Variants in REEP3 observed in about 807,000 individuals in gnomAD.
REEP3 encodes the protein receptor expression-enhancing protein 3.
In REEP3, 20 loss-of-function variants were observed where a neutral mutation model predicts 41.3. The observed-to-expected ratio is 0.48, with a 90% CI of 0.34 to 0.70. The LOEUF (loss-of-function observed/expected upper bound fraction) is 0.70, where lower values mean the gene tolerates loss of function less well. REEP3 is among the 30% of genes least tolerant of loss of function. The probability of loss-of-function intolerance (pLI) is 0.01; values close to 1 mark genes in which losing one functional copy is unlikely to be tolerated. For missense variants in REEP3, 271 were observed against 308.8 expected, an observed-to-expected ratio of 0.88 and a Z score of 0.92; for synonymous variants, 104 against 101.8, an observed-to-expected ratio of 1.02 and a Z score of -0.13.
Position 63,576,201 on chromosome 10 carries a change from G to T in REEP3, c.105+9791G>T, listed in dbSNP as rs138840135. Reference sequence around the variant, plus strand: ...CCTGGAGCTCTGTGCCCATGAAAGGGCTTATTGAACGTGATCTTCACTGTA... The same window carrying T: ...CCTGGAGCTCTGTGCCCATGAAAGGTCTTATTGAACGTGATCTTCACTGTA... On this transcript the variant is annotated intron_variant, in intron 2 of 7. Transcript: ENST00000373758. 8.3e-4 allele frequency among the ~76,000 whole-genome samples: 126 copies of T among 152,240 alleles called. No homozygotes were observed. In the Middle Eastern group the frequency reaches 0.017, roughly 21 times the overall value.
intron 2 of REEP3, among the ~76,000 whole-genome samples, chr10:63,590,038 G>T (rs371357297): frequency 2.0e-5 from 3 of 151,810 alleles, no homozygotes; most frequent in African/African-American, 7.3e-5. Flanking sequence ...CAAGTGATCC[G>T]CCCACCTCAG....
intron 2 of REEP3, among the ~76,000 whole-genome samples, chr10:63,579,918 A>T (rs1003084901): frequency 6.6e-6 from 1 of 152,228 alleles, no homozygotes; most frequent in African/African-American, 2.4e-5. Context: ...GGAGACCTGA[A>T]TTCAGAGGCA....
At chr10:63,566,938 T>C (rs1400350255) in intron 2 of REEP3, among the ~76,000 whole-genome samples, 2 of 152,210 alleles carry the variant, frequency 1.3e-5, no homozygotes, top group Non-Finnish European at 2.9e-5. Flanking sequence ...GTTTTTAGTT[T>C]CCTCTTCCCT....
rs553362766 is a variant in REEP3 at position 63,534,250 on chromosome 10, A to T, written c.32+12673A>T. On this transcript the variant is annotated intron_variant, in intron 1 of 7. Transcript: ENST00000373758. Reference sequence around the variant, plus strand: ...ATATCTTGAAGTATTATTATTTTTTATTTTTTTTTTGTTTTTTAGAGACAG... The same window carrying T: ...ATATCTTGAAGTATTATTATTTTTTTTTTTTTTTTTGTTTTTTAGAGACAG... 3.9e-3 allele frequency among the ~76,000 whole-genome samples: 588 copies of T among 148,882 alleles called. 4 individuals carry two copies. Among genetic ancestry groups the T allele is most frequent in the African/African-American group, 0.013 (526 of 40,574 alleles).
intron 1 of REEP3, among the ~76,000 whole-genome samples, chr10:63,524,272 C>T (rs10761780): frequency 0.67 from 101,134 of 151,880 alleles, 36,443 homozygotes; most frequent in Non-Finnish European, 0.81. Context: ...CTTTCTAACC[C>T]ACTGAGACAA....
At position 63,621,238 on chromosome 10, in the gene REEP3, T is replaced by C. The variant is rs184464219; in HGVS notation, c.*369T>C. On this transcript the variant is annotated 3_prime_UTR_variant, in exon 8 of 8. Coordinates refer to ENST00000373758, the MANE Select transcript of REEP3 (RefSeq NM_001001330.3). Reference sequence around the variant, plus strand: ...ATCAGCCTTTGTGATGTACTGTGTTTACCTCCTTTTGTGTTGTATCTGGTA... The same window carrying C: ...ATCAGCCTTTGTGATGTACTGTGTTCACCTCCTTTTGTGTTGTATCTGGTA... 1.4e-4 allele frequency: 22 copies of C among 159,892 alleles called. No individual in the cohort carries two copies. The highest frequency in any genetic ancestry group is 6.3e-3 in the Middle Eastern group (2 of 318). 9.9% of individuals were successfully genotyped at this position (159,892 alleles called of 1,614,324 possible). A position where few individuals can be genotyped will look rare whatever the true frequency, so the allele number is the denominator to read the frequency against.
At chr10:63,593,610 G>T (rs1956085923) in intron 2 of REEP3, among the ~76,000 whole-genome samples, 1 of 152,182 alleles carries the variant, frequency 6.6e-6, no homozygotes, top group African/African-American at 2.4e-5. Flanking sequence ...ACACAGAAAA[G>T]CAGAGATTTT....
chr10:63,598,554 G>A (rs561750425), intron 4 of REEP3, among the ~76,000 whole-genome samples: 7 of 151,640 alleles, frequency 4.6e-5, no homozygotes, highest in Admixed American at 3.9e-4. Flanking sequence ...GGACGCCGAG[G>A]TGGGTAGATC....
At chr10:63,545,178 T>G (rs544308963) in intron 1 of REEP3, among the ~76,000 whole-genome samples, 1 of 152,316 alleles carries the variant, frequency 6.6e-6, no homozygotes, top group South Asian at 2.1e-4. Context: ...AAATTTAATT[T>G]TTAAAATTTA....
intron 2 of REEP3, among the ~76,000 whole-genome samples, chr10:63,593,995 A>T (rs10761787): frequency 0.49 from 73,900 of 151,898 alleles, 18,214 homozygotes; most frequent in South Asian, 0.54. Flanking sequence ...TTTCTGAACA[A>T]TTTATATATA....
At chr10:63,550,491 C>A (rs185682306) in intron 1 of REEP3, among the ~76,000 whole-genome samples, 2 of 152,152 alleles carry the variant, frequency 1.3e-5, no homozygotes, top group East Asian at 3.9e-4. Context: ...CAGCTCAGTT[C>A]TTAAGGTTAA....
chr10:63,548,079 A>T (rs1388856710), intron 1 of REEP3, among the ~76,000 whole-genome samples: 1 of 152,202 alleles, frequency 6.6e-6, no homozygotes, highest in East Asian at 1.9e-4. Flanking sequence ...ATGAGATGGC[A>T]CTGGGATCCA....
At chr10:63,546,186 T>C (rs1441540940) in intron 1 of REEP3, among the ~76,000 whole-genome samples, 2 of 152,128 alleles carry the variant, frequency 1.3e-5, no homozygotes, top group Non-Finnish European at 2.9e-5. Flanking sequence ...AGAAGTGATA[T>C]TATCAGATTT....
Position 63,610,282 on chromosome 10 carries a change from A to T in REEP3, c.513A>T (p.Gln171His). 2.5e-6 allele frequency: 4 copies of T among 1,581,816 alleles called. No homozygotes were observed. The highest frequency in any genetic ancestry group is 3.4e-6 in the Non-Finnish European group (4 of 1,162,250). Residue 171 changes from glutamine to histidine, a missense_variant, in exon 6 of 8, where the codon CAA becomes CAT. By Grantham distance (24) the Gln-to-His change is conservative (BLOSUM62 0). Coordinates refer to ENST00000373758, the MANE Select transcript of REEP3 (RefSeq NM_001001330.3). Reference protein sequence around the residue: ...GDEPVGQRPYQPLPEAKKKSK... With the variant: ...GDEPVGQRPYHPLPEAKKKSK... ...AGCCTGTGGGACAAAGACCATACCA[A>T]CCTCTACCAGAAGCAAAAAAGAAAA...
In REEP3 at chr10:63,623,737, A is replaced by T. The variant is rs2133442726; in HGVS notation, c.*2868A>T. On this transcript the variant is annotated 3_prime_UTR_variant, in exon 8 of 8. Coordinates refer to ENST00000373758, the MANE Select transcript of REEP3 (RefSeq NM_001001330.3). ...CTAGGTCCTGCATAAGATCCCCCTC[A>T]CATACTTCACAATATATATGTGTGT... 6.7e-6 allele frequency: 1 copy of T among 150,276 alleles called. No individual in the cohort carries two copies. The highest frequency in any genetic ancestry group is 1.5e-5 in the Non-Finnish European group (1 of 67,778). 9.3% of individuals were successfully genotyped at this position (150,276 alleles called of 1,614,324 possible).
chr10:63,620,073 C>T (rs1956342217), intron 7 of REEP3, among the ~76,000 whole-genome samples: 1 of 151,960 alleles, frequency 6.6e-6, no homozygotes, highest in African/African-American at 2.4e-5. Context: ...GCTGGAACTA[C>T]AGGCACATGC....
intron 2 of REEP3, among the ~76,000 whole-genome samples, chr10:63,583,763 G>A (rs1036551684): frequency 1.3e-5 from 2 of 152,116 alleles, no homozygotes; most frequent in African/African-American, 4.8e-5. Context: ...CCTGTTAAAA[G>A]GGAACTGTGT....
chr10:63,586,775 T>A (rs1328177409), intron 2 of REEP3, among the ~76,000 whole-genome samples: 1 of 152,100 alleles, frequency 6.6e-6, no homozygotes, highest in Admixed American at 6.6e-5. Flanking sequence ...CAAGCAATCC[T>A]CCCACCTAAA....
intron 6 of REEP3, among the ~76,000 whole-genome samples, chr10:63,610,973 G>T (rs1956273490): frequency 1.3e-5 from 2 of 152,196 alleles, no homozygotes; most frequent in Non-Finnish European, 2.9e-5. Context: ...TTGGGAGGCT[G>T]AGGCAGGAGA....
Sources: gnomAD v4.1 joint callset for allele counts (sites outside exome capture counted in the v4.1 genomes callset) on GRCh38, gnomAD v4.1.1 for gene constraint, MANE v1.5 for transcripts, NCBI Gene and HGNC (gene_info 2026-07-23, HGNC 2026-07-21) for gene names.